Variants in JAZF1 observed in about 807,000 individuals in gnomAD.
JAZF1 encodes juxtaposed with another zinc finger protein 1.
In JAZF1, 8 loss-of-function variants were observed where a neutral mutation model predicts 26.4. That is an observed-to-expected ratio of 0.30 (90% CI 0.18 to 0.55). JAZF1 has a LOEUF of 0.55. JAZF1 is among the 20% of genes least tolerant of loss of function. The probability of loss-of-function intolerance (pLI) is 0.94; values close to 1 mark genes in which losing one functional copy is unlikely to be tolerated. For missense variants in JAZF1, 199 were observed against 322.0 expected (o/e 0.62, Z 2.92); for synonymous variants, 126 against 122.3 (o/e 1.03, Z -0.20).
chr7:27,982,307 C>T (rs144607200), intron 2 of JAZF1, among the ~76,000 whole-genome samples: 345 of 152,352 alleles, frequency 2.3e-3, no homozygotes, highest in Middle Eastern at 0.02. Flanking sequence ...GATTATATCC[C>T]GCGCATGGCT....
intron 3 of JAZF1, among the ~76,000 whole-genome samples, chr7:27,878,732 T>G (rs898963102): frequency 6.6e-6 from 1 of 152,166 alleles, no homozygotes; most frequent in Admixed American, 6.5e-5. Context: ...CACCTGCCAT[T>G]CTCCCAAGAA....
intron 2 of JAZF1, among the ~76,000 whole-genome samples, chr7:27,916,651 T>C (rs1784447062): frequency 6.6e-6 from 1 of 152,206 alleles, no homozygotes; most frequent in African/African-American, 2.4e-5. Flanking sequence ...ACTTCAGCGC[T>C]ATGCTTGGTG....
At chr7:27,934,963 A>G (rs974189461) in intron 2 of JAZF1, among the ~76,000 whole-genome samples, 7 of 152,226 alleles carry the variant, frequency 4.6e-5, no homozygotes, top group Non-Finnish European at 8.8e-5. Flanking sequence ...CTGATAATGA[A>G]CTTGTATCCA....
At chr7:27,834,715 G>C (rs1474413991) in intron 4 of JAZF1, among the ~76,000 whole-genome samples, 1 of 152,212 alleles carries the variant, frequency 6.6e-6, no homozygotes, top group African/African-American at 2.4e-5. Context: ...AGGCACATGA[G>C]TGAAGAGGCC....
At chr7:27,894,093 G>T (rs1267979586) in intron 3 of JAZF1, among the ~76,000 whole-genome samples, 1 of 152,210 alleles carries the variant, frequency 6.6e-6, no homozygotes, top group Non-Finnish European at 1.5e-5. Context: ...CTTGGGAGAG[G>T]AAGACAAGAG....
rs1783834012 is a variant in JAZF1 at position 27,884,986 on chromosome 7, G to A, written c.385+10234C>T. 1.3e-5 allele frequency among the ~76,000 whole-genome samples: 2 copies of A among 152,156 alleles called. 1 individual carries two copies. The highest frequency in any genetic ancestry group is 4.1e-4 in the South Asian group (2 of 4,822). On this transcript the variant is annotated intron_variant, in intron 3 of 4. Coordinates refer to ENST00000283928, the MANE Select transcript of JAZF1 (RefSeq NM_175061.4). ...TGAGATCTGCTCCCCTCTCCCCTCA[G>A]AGCAGGTTTGAGGACATTCTCTGCT...
rs1284968113 is a variant in JAZF1, at chr7:28,036,963, CT to C, written c.116-44983del. ...CAGCAGATGCCAATCTTTTGGCTCACTAATGGGCACAGTTCAGTGGCCCAGT... is the reference window on the plus strand; with the variant it reads ...CAGCAGATGCCAATCTTTTGGCTCACAATGGGCACAGTTCAGTGGCCCAGT... On this transcript the variant is annotated intron_variant, in intron 1 of 4. Coordinates refer to ENST00000283928, the MANE Select transcript of JAZF1 (RefSeq NM_175061.4). Among the ~76,000 whole-genome samples the C allele has an allele frequency of 4.6e-5, 7 of 152,292 alleles. No homozygotes were observed. The East Asian group carries it at 1.2e-3, about 25-fold the overall frequency.
At chr7:27,927,929 C>T (rs1450105899) in intron 2 of JAZF1, among the ~76,000 whole-genome samples, 4 of 152,066 alleles carry the variant, frequency 2.6e-5, no homozygotes, top group African/African-American at 4.8e-5. Context: ...TTTACATGTA[C>T]TTGATAAAAT....
At chr7:27,964,442 C>T (rs117079387) in intron 2 of JAZF1, among the ~76,000 whole-genome samples, 2,164 of 152,026 alleles carry the variant, frequency 0.014, 24 homozygotes, top group Non-Finnish European at 0.022. Context: ...ATGGAGAATG[C>T]TCATGATACA....
chr7:27,831,475 G>C lies in JAZF1; in HGVS notation c.*1325C>G, dbSNP rs1344143542. ...CACTTGGGAGAAAAGAACACTCAAG[G>C]CATGATGGTACTGTCGGTGAGGAAA... On this transcript the variant is annotated 3_prime_UTR_variant, in exon 5 of 5. Transcript: ENST00000283928. 4.4e-6 allele frequency: 1 copy of C among 229,294 alleles called. No homozygotes were observed. Among genetic ancestry groups the C allele is most frequent in the Non-Finnish European group, 8.7e-6 (1 of 115,308 alleles). The allele number at this position is 229,294 out of a possible 1,614,324, so 14.2% of individuals were successfully genotyped here.
intron 1 of JAZF1, among the ~76,000 whole-genome samples, chr7:28,174,481 T>C (rs1289051626): frequency 1.3e-5 from 2 of 152,230 alleles, no homozygotes; most frequent in African/African-American, 4.8e-5. Context: ...TTTGTATTTC[T>C]AGAACTGTCA....
At chr7:28,021,204 A>G (rs536901707) in intron 1 of JAZF1, among the ~76,000 whole-genome samples, 1 of 152,064 alleles carries the variant, frequency 6.6e-6, no homozygotes, top group East Asian at 1.9e-4. Context: ...ATCAGGAAAG[A>G]CTCCCATGGG....
Position 28,022,625 on chromosome 7 carries a change from C to T in JAZF1, c.116-30644G>A, listed in dbSNP as rs1783025133. 2.0e-5 allele frequency among the ~76,000 whole-genome samples: 3 copies of T among 152,180 alleles called. No individual in the cohort carries two copies. In the South Asian group the frequency reaches 6.2e-4, roughly 32 times the overall value. ...ATCAACTATCCAAACATAGTTCAGG[C>T]TGTGCATTTTACTATATCCTTTACT... is the stretch of plus-strand genomic sequence containing the variant. On this transcript the variant is annotated intron_variant, in intron 1 of 4. Coordinates refer to ENST00000283928, the MANE Select transcript of JAZF1 (RefSeq NM_175061.4).
intron 1 of JAZF1, among the ~76,000 whole-genome samples, chr7:28,169,645 A>AGCTTG (rs2127954094): frequency 6.6e-6 from 1 of 152,344 alleles, no homozygotes; most frequent in Admixed American, 6.5e-5. Flanking sequence ...AGAAGTACTT[A>AGCTTG]GCTTGGGTTT....
At position 27,835,681 on chromosome 7, in the gene JAZF1, CTATT is replaced by C. The variant is rs148829956; in HGVS notation, c.556-2709_556-2706del. ...TGTTAGTACAAGGTCAAGTGAGACTCTATTAAGACATTTCCTCCATCCAGCCATT... is the reference window on the plus strand; with the variant it reads ...TGTTAGTACAAGGTCAAGTGAGACTCAAGACATTTCCTCCATCCAGCCATT... On this transcript the variant is annotated intron_variant, in intron 4 of 4. Transcript: ENST00000283928. 8.1e-3 allele frequency among the ~76,000 whole-genome samples: 1,235 copies of C among 152,296 alleles called. 18 individuals carry two copies. The highest frequency in any genetic ancestry group is 0.028 in the African/African-American group (1,174 of 41,552).
intron 3 of JAZF1, among the ~76,000 whole-genome samples, chr7:27,856,562 C>G (rs1783258763): frequency 6.6e-6 from 1 of 152,186 alleles, no homozygotes; most frequent in African/African-American, 2.4e-5. Context: ...GTCTGTTTTA[C>G]AGAGAGCTGA....
intron 2 of JAZF1, among the ~76,000 whole-genome samples, chr7:27,956,287 A>G (rs1661266515): frequency 6.6e-6 from 1 of 152,152 alleles, no homozygotes. Flanking sequence ...AGAGCAGTCA[A>G]CTAGCCATAT....
At chr7:27,838,985 C>G (rs1347407420) in intron 4 of JAZF1, among the ~76,000 whole-genome samples, 1 of 152,140 alleles carries the variant, frequency 6.6e-6, no homozygotes, top group Non-Finnish European at 1.5e-5. Flanking sequence ...AAAGCCCCCA[C>G]CAACCCAGAC....
intron 1 of JAZF1, among the ~76,000 whole-genome samples, chr7:28,046,588 T>TAA (rs1285699680): frequency 6.6e-6 from 1 of 152,214 alleles, no homozygotes; most frequent in South Asian, 2.1e-4. Flanking sequence ...CTAAATAGCC[T>TAA]ATGTAAATCT....
Sources: gnomAD v4.1 joint callset for allele counts (sites outside exome capture counted in the v4.1 genomes callset) on GRCh38, gnomAD v4.1.1 for gene constraint, MANE v1.5 for transcripts, NCBI Gene and HGNC (gene_info 2026-07-23, HGNC 2026-07-21) for gene names.